The following CTNNAL1 variants were observed in gnomAD, a reference collection of about 807,000 sequenced individuals.
CTNNAL1 encodes the protein catenin alpha like 1.
Under a neutral mutation model 93.6 loss-of-function variants are expected in CTNNAL1, and 69 were observed. The ratio of observed to expected loss-of-function variants is 0.74; its 90% confidence interval spans 0.61 to 0.90. The LOEUF (loss-of-function observed/expected upper bound fraction) is 0.90. CTNNAL1 is among the 40% of genes least tolerant of loss of function. The pLI, the probability that CTNNAL1 is intolerant of heterozygous loss-of-function variation, is 0.00. For synonymous variants in CTNNAL1, 286 were observed against 305.4 expected (o/e 0.94, Z 0.66); for missense variants, 836 against 862.0 (o/e 0.97, Z 0.38).
chr9:108,963,185 A>T (rs1830862789), intron 11 of CTNNAL1, among the ~76,000 whole-genome samples: 1 of 152,214 alleles, frequency 6.6e-6, no homozygotes, highest in South Asian at 2.1e-4. Context: ...CTGTTAAATG[A>T]CTGCTATCTT....
Position 108,943,017 on chromosome 9 carries a change from A to G in CTNNAL1, c.2083T>C (p.Ser695Pro). The G allele has an allele frequency of 1.2e-6, 2 of 1,612,610 alleles. No individual in the cohort carries two copies. Among genetic ancestry groups the G allele is most frequent in the South Asian group, 1.1e-5 (1 of 90,470 alleles). ...KVDKCITKTR[S>P]MMALLVQLLS... ...AGTTGGACTAAGAGAGCCATCATGG[A>G]TCTTGTCTTCGTAATACACTTGTCA... Residue 695 changes from serine to proline, a missense_variant, in exon 18 of 19, where the codon TCC becomes CCC. Coordinates refer to ENST00000325551, the MANE Select transcript of CTNNAL1 (RefSeq NM_003798.4).
At chr9:108,999,300 CTTTT>C in intron 1 of CTNNAL1, 44 bp from the exon 2 acceptor site, 1 of 1,536,868 alleles carries the variant, frequency 6.5e-7, no homozygotes, top group South Asian at 1.3e-5. Context: ...AATACCTTTT[CTTTT>C]TTAAGCTGTA....
chr9:108,963,905 G>A lies in CTNNAL1; in HGVS notation c.1591+1473C>T, dbSNP rs1830884452. Among the ~76,000 whole-genome samples, 3 of 152,276 alleles carry A rather than the reference G, an allele frequency of 2.0e-5. No individual in the cohort carries two copies. In the South Asian group the frequency reaches 6.2e-4, roughly 32 times the overall value. On this transcript the variant is annotated intron_variant, in intron 11 of 18. Transcript: ENST00000325551. Reference sequence around the variant, plus strand: ...CTAAGACTTTCATTATTGAGTCAAGGACACTTGGGCCCGGAGCAGGGAAAA... The same window carrying A: ...CTAAGACTTTCATTATTGAGTCAAGAACACTTGGGCCCGGAGCAGGGAAAA...
intron 6 of CTNNAL1, among the ~76,000 whole-genome samples, chr9:108,980,203 C>G (rs764840401): frequency 1.1e-4 from 16 of 152,132 alleles, no homozygotes; most frequent in East Asian, 1.9e-4. Flanking sequence ...TATCTCACCC[C>G]CTGAACCCCC....
At chr9:108,947,306 G>A (rs1484104808) in intron 15 of CTNNAL1, among the ~76,000 whole-genome samples, 3 of 152,020 alleles carry the variant, frequency 2.0e-5, no homozygotes, top group Admixed American at 2.0e-4. Context: ...GTGGAGACAG[G>A]GTTCCACCGT....
intron 2 of CTNNAL1, among the ~76,000 whole-genome samples, chr9:108,993,326 C>T (rs1323095120): frequency 6.6e-6 from 1 of 152,158 alleles, no homozygotes; most frequent in South Asian, 2.1e-4. Context: ...CTTTAGGCCC[C>T]AAGGGATGAC....
At chr9:108,995,599 T>A (rs868375536) in intron 2 of CTNNAL1, among the ~76,000 whole-genome samples, 4 of 152,234 alleles carry the variant, frequency 2.6e-5, no homozygotes, top group African/African-American at 4.8e-5. Context: ...TCATTACTAG[T>A]GCTGTGCCTT....
At chr9:108,953,369 C>T (rs1463721720) in intron 12 of CTNNAL1, among the ~76,000 whole-genome samples, 1 of 152,186 alleles carries the variant, frequency 6.6e-6, no homozygotes, top group Non-Finnish European at 1.5e-5. Flanking sequence ...TGAAAGCTCC[C>T]ATGGTAGAGG....
At chr9:108,964,928 T>C (rs1011904042) in intron 11 of CTNNAL1, among the ~76,000 whole-genome samples, 2 of 152,096 alleles carry the variant, frequency 1.3e-5, no homozygotes, top group Non-Finnish European at 2.9e-5. Context: ...AGTGGCGCCA[T>C]CTCAGCTCAC....
chr9:108,958,063 C>CAAAAAAAAAAAAAAAAAAAAAAAAA (rs11291554), intron 11 of CTNNAL1, among the ~76,000 whole-genome samples: 1 of 85,114 alleles, frequency 1.2e-5, no homozygotes. Flanking sequence ...AAGACTGTCT[C>CAAAAAAAAAAAAAAAAAAAAAAAAA]AAAAAAAAAA....
intron 1 of CTNNAL1, among the ~76,000 whole-genome samples, chr9:109,005,169 G>A (rs1826977953): frequency 6.6e-6 from 1 of 151,952 alleles, no homozygotes; most frequent in Non-Finnish European, 1.5e-5. Context: ...ATGACTGTGG[G>A]CCATGCTGCT....
Position 108,989,693 on chromosome 9 carries a change from A to T in CTNNAL1, c.639+1033T>A, listed in dbSNP as rs936204832. Among the ~76,000 whole-genome samples the T allele has an allele frequency of 2.0e-5, 3 of 152,198 alleles. No individual in the cohort carries two copies. In the South Asian group the frequency reaches 6.2e-4, roughly 32 times the overall value. On this transcript the variant is annotated intron_variant, in intron 4 of 18. Coordinates refer to ENST00000325551, the MANE Select transcript of CTNNAL1 (RefSeq NM_003798.4). ...CAAGGAAAAGTCAATCCTAGACATA[A>T]TATGATCTTCCATCTCCCAAAACTG...
chr9:109,010,358 T>G (rs536016897), intron 1 of CTNNAL1, among the ~76,000 whole-genome samples: 2 of 152,342 alleles, frequency 1.3e-5, no homozygotes, highest in African/African-American at 4.8e-5. Flanking sequence ...GGTTTTTCCT[T>G]TCCTATATTT....
intron 1 of CTNNAL1, among the ~76,000 whole-genome samples, chr9:109,009,429 T>A (rs1827142625): frequency 6.6e-6 from 1 of 152,198 alleles, no homozygotes; most frequent in African/African-American, 2.4e-5. Flanking sequence ...AGATATCCAA[T>A]TGTCCCAGCT....
chr9:108,960,531 T>C (rs1830797160), intron 11 of CTNNAL1, among the ~76,000 whole-genome samples: 2 of 152,294 alleles, frequency 1.3e-5, no homozygotes, highest in South Asian at 2.1e-4. Flanking sequence ...ATGAGAAAAG[T>C]AGTTACAGAA....
intron 1 of CTNNAL1, among the ~76,000 whole-genome samples, chr9:109,000,770 G>A (rs1015743028): frequency 1.3e-4 from 19 of 151,998 alleles, no homozygotes; most frequent in African/African-American, 4.1e-4. Context: ...AGTCGGAAGT[G>A]GCTAAAGGAT....
intron 4 of CTNNAL1, among the ~76,000 whole-genome samples, chr9:108,985,351 T>G (rs1231686238): frequency 1.3e-5 from 2 of 152,240 alleles, no homozygotes; most frequent in African/African-American, 4.8e-5. Context: ...CATTGAAATT[T>G]GAATTACATA....
chr9:108,967,277 T>C (rs1018378090), intron 10 of CTNNAL1, among the ~76,000 whole-genome samples: 32 of 152,320 alleles, frequency 2.1e-4, no homozygotes, highest in Admixed American at 1.8e-3. Flanking sequence ...TAAAATACTA[T>C]AAATTATGAT....
At chr9:109,003,598 C>T (rs1422631276) in intron 1 of CTNNAL1, among the ~76,000 whole-genome samples, 3 of 152,148 alleles carry the variant, frequency 2.0e-5, no homozygotes, top group Non-Finnish European at 4.4e-5. Flanking sequence ...ATACCATAAA[C>T]CAGTGGCTCC....
Sources: gnomAD v4.1 joint callset for allele counts (sites outside exome capture counted in the v4.1 genomes callset) on GRCh38, gnomAD v4.1.1 for gene constraint, MANE v1.5 for transcripts, NCBI Gene and HGNC (gene_info 2026-07-23, HGNC 2026-07-21) for gene names.